FILIP1L: variants seen among roughly 807,000 people sequenced by gnomAD.
FILIP1L encodes filamin A interacting protein 1 like, also known as filamin A-interacting protein 1-like.
A neutral mutation model predicts 96.6 loss-of-function variants in FILIP1L; 55 were observed. The observed-to-expected ratio is 0.57, with a 90% confidence interval of 0.46 to 0.71. The LOEUF (loss-of-function observed/expected upper bound fraction) is 0.71, where lower values mean the gene tolerates loss of function less well. FILIP1L is among the 30% of genes least tolerant of loss of function. The probability of loss-of-function intolerance (pLI) is 0.00; values close to 1 mark genes in which losing one functional copy is unlikely to be tolerated. For missense variants in FILIP1L, 1,304 were observed against 1,321.2 expected, an observed-to-expected ratio of 0.99 and a Z score of 0.20; for synonymous variants, 467 against 473.9, an observed-to-expected ratio of 0.99 and a Z score of 0.19.
chr3:100,025,039 A>G (rs1288781934), intron 1 of FILIP1L, among the ~76,000 whole-genome samples: 3 of 152,224 alleles, frequency 2.0e-5, no homozygotes, highest in African/African-American at 7.2e-5. Context: ...TTTTTGTGTT[A>G]CTAATTAACA....
chr3:99,852,324 A>G (rs779294834), intron 4 of FILIP1L, among the ~76,000 whole-genome samples: 5 of 152,258 alleles, frequency 3.3e-5, no homozygotes, highest in Non-Finnish European at 7.3e-5. Context: ...GAGAATTCAT[A>G]AAACTTTAAT....
intron 1 of FILIP1L, among the ~76,000 whole-genome samples, chr3:100,065,637 T>C (rs973646965): frequency 6.6e-6 from 1 of 152,220 alleles, no homozygotes; most frequent in Admixed American, 6.5e-5. Context: ...ACCACTGCCA[T>C]AGTGCCCCAT....
At chr3:99,916,437 TAC>T (rs10529210) in intron 4 of FILIP1L, among the ~76,000 whole-genome samples, 9,262 of 136,958 alleles carry the variant, frequency 0.068, 307 homozygotes, top group Middle Eastern at 0.083. Context: ...TAACGGTTTA[TAC>T]ACACACACAC....
chr3:99,939,600 A>ATAC (rs1707795076), intron 1 of FILIP1L, among the ~76,000 whole-genome samples: 2 of 152,242 alleles, frequency 1.3e-5, no homozygotes, highest in Non-Finnish European at 2.9e-5. Flanking sequence ...GTGAAGGTAT[A>ATAC]TACTCAGGGA....
At chr3:99,987,933 A>C (rs1709393626) in intron 1 of FILIP1L, among the ~76,000 whole-genome samples, 2 of 152,298 alleles carry the variant, frequency 1.3e-5, no homozygotes, top group South Asian at 4.1e-4. Flanking sequence ...GGATTCTTGA[A>C]AGATGTTGAG....
intron 1 of FILIP1L, among the ~76,000 whole-genome samples, chr3:100,059,420 C>A (rs964247124): frequency 5.9e-5 from 9 of 152,186 alleles, no homozygotes; most frequent in African/African-American, 2.2e-4. Flanking sequence ...TCACTGCTTT[C>A]CCCTGCTTCT....
chr3:99,978,955 A>C (rs1709045304), intron 1 of FILIP1L, among the ~76,000 whole-genome samples: 1 of 152,092 alleles, frequency 6.6e-6, no homozygotes, highest in African/African-American at 2.4e-5. Flanking sequence ...AGGGAGGTGG[A>C]TATGGAGAGG....
At position 100,066,517 on chromosome 3, in the gene FILIP1L, CTTTTTTTTTTTTTTTTTTT is replaced by C. The variant is rs545356638; in HGVS notation, c.-11+47517_-11+47535del. On this transcript the variant is annotated intron_variant, in intron 1 of 5. Coordinates refer to ENST00000477258, the MANE Select transcript of FILIP1L (RefSeq NM_001387850.1). Reference sequence around the variant, plus strand: ...AAGGATGATGTGGAAGGCTTTGCTTCTTTTTTTTTTTTTTTTTTTTTTTTTTTTTTTTGAGACGGAGTCT... The same window carrying C: ...AAGGATGATGTGGAAGGCTTTGCTTCTTTTTTTTTTTTTGAGACGGAGTCT... Among the ~76,000 whole-genome samples the C allele has an allele frequency of 1.7e-3, 66 of 38,330 alleles. 6 individuals carry two copies. Among genetic ancestry groups the C allele is most frequent in the Admixed American group, 0.011 (25 of 2,234 alleles). The allele number at this position is 38,330 out of a possible 152,430, so 25.1% of individuals were successfully genotyped here.
chr3:99,877,891 A>G (rs973885608), intron 4 of FILIP1L, among the ~76,000 whole-genome samples: 1 of 152,208 alleles, frequency 6.6e-6, no homozygotes, highest in African/African-American at 2.4e-5. Context: ...CTTGTTTTGC[A>G]TCTTTTTCCC....
At chr3:100,041,425 T>C (rs2065203430) in intron 1 of FILIP1L, 1 of 152,200 alleles carries the variant, frequency 6.6e-6, no homozygotes, top group South Asian at 2.1e-4. Context: ...CTTTCCACAC[T>C]GAGCTTTTTC....
intron 4 of FILIP1L, among the ~76,000 whole-genome samples, chr3:99,881,647 C>T (rs183469079): frequency 8.8e-4 from 134 of 152,198 alleles, no homozygotes; most frequent in Non-Finnish European, 1.6e-3. Flanking sequence ...GTTCTCCTGC[C>T]TCAGCCTCCC....
intron 1 of FILIP1L, among the ~76,000 whole-genome samples, chr3:100,014,895 C>CTTTTTTTTTTTTTTTTTTTTTTTTTTTCT (rs1233573719): frequency 4.0e-5 from 1 of 25,004 alleles, no homozygotes; most frequent in Non-Finnish European, 7.0e-5. Context: ...TTCTTTCTTT[C>CTTTTTTTTTTTTTTTTTTTTTTTTTTTCT]TTTTTTTTTT....
At chr3:99,954,525 TATAAA>T (rs1225300747) in intron 1 of FILIP1L, among the ~76,000 whole-genome samples, 2 of 152,108 alleles carry the variant, frequency 1.3e-5, no homozygotes, top group African/African-American at 4.8e-5. Flanking sequence ...ATTTCCTCAT[TATAAA>T]ATAAGAATAA....
At chr3:100,111,467 T>C (rs886721924) in intron 1 of FILIP1L, among the ~76,000 whole-genome samples, 12 of 152,122 alleles carry the variant, frequency 7.9e-5, no homozygotes, top group Non-Finnish European at 1.5e-4. Context: ...TCCTACTACA[T>C]AGGGTCAAGT....
intron 4 of FILIP1L, among the ~76,000 whole-genome samples, chr3:99,868,545 G>A (rs376716901): frequency 2.0e-5 from 3 of 152,272 alleles, no homozygotes; most frequent in African/African-American, 4.8e-5. Context: ...GCTTCATCAC[G>A]TTTAAGCTTC....
At chr3:99,966,485 T>C (rs373315273) in intron 1 of FILIP1L, among the ~76,000 whole-genome samples, 1 of 152,162 alleles carries the variant, frequency 6.6e-6, no homozygotes. Flanking sequence ...GAAATGATTG[T>C]TTTTGTGCAG....
chr3:100,009,526 A>G (rs985051137), intron 1 of FILIP1L, among the ~76,000 whole-genome samples: 13 of 152,006 alleles, frequency 8.6e-5, no homozygotes, highest in Admixed American at 7.9e-4. Context: ...CGTCACCTCC[A>G]CTACACTGAG....
At position 99,957,693 on chromosome 3, in the gene FILIP1L, CTTTTTTTTTTTTTTTT is replaced by C. The variant is rs779350496; in HGVS notation, c.-10-26679_-10-26664del. ...TTCTCCTTTTCTCTTTTCTTTCTTT[CTTTTTTTTTTTTTTTT>C]TTTTTTTTTTTTGGTGTGTGTGTTT... is the stretch of plus-strand genomic sequence containing the variant. On this transcript the variant is annotated intron_variant, in intron 1 of 5. Coordinates refer to ENST00000477258, the MANE Select transcript of FILIP1L (RefSeq NM_001387850.1). 6.5e-4 allele frequency among the ~76,000 whole-genome samples: 13 copies of C among 19,906 alleles called. 1 individual carries two copies. In the East Asian group the frequency reaches 8.8e-3, roughly 13 times the overall value. The allele number at this position is 19,906 out of a possible 152,430, so 13.1% of individuals were successfully genotyped here. A position where few individuals can be genotyped will look rare whatever the true frequency, so the allele number is the denominator to read the frequency against.
intron 1 of FILIP1L, among the ~76,000 whole-genome samples, chr3:99,938,265 A>G (rs1409842136): frequency 6.6e-6 from 1 of 152,224 alleles, no homozygotes; most frequent in African/African-American, 2.4e-5. Context: ...TGAACTGAGT[A>G]TGCACTACAC....
Sources: allele counts gnomAD v4.1 joint callset (sites outside exome capture counted in the v4.1 genomes callset), GRCh38; gene constraint gnomAD v4.1.1; transcripts MANE v1.5; gene names NCBI Gene and HGNC (gene_info 2026-07-23, HGNC 2026-07-21).